The following FCHSD1 variants were observed in gnomAD, a reference collection of about 807,000 sequenced individuals.
FCHSD1 encodes the protein F-BAR and double SH3 domains protein 1.
FCHSD1 carries 109 observed loss-of-function variants against 101.3 expected under a neutral mutation model. That is an observed-to-expected ratio of 1.08 (90% CI 0.92 to 1.26). The LOEUF is 1.26. FCHSD1 is among the 50% of genes most tolerant of loss of function. FCHSD1 has a pLI of 0.00. For missense variants in FCHSD1, 820 were observed against 895.8 expected (o/e 0.92, Z 1.08); for synonymous variants, 291 against 356.8 (o/e 0.82, Z 2.08).
chr5:141,648,871 T>C lies in FCHSD1; in HGVS notation c.576+86A>G, dbSNP rs1053366905. The C allele has an allele frequency of 6.1e-5, 91 of 1,500,612 alleles. No homozygotes were observed. The African/African-American group carries it at 6.9e-4, about 11-fold the overall frequency. 93.0% of individuals were successfully genotyped at this position (1,500,612 alleles called of 1,614,324 possible). A position where few individuals can be genotyped will look rare whatever the true frequency, so the allele number is the denominator to read the frequency against. ...GGAGAGCCTGGATTCAACCCAGTCTTTCATACATATGCACCTATGTTCCAA... is the reference window on the plus strand; with the variant it reads ...GGAGAGCCTGGATTCAACCCAGTCTCTCATACATATGCACCTATGTTCCAA... On this transcript the variant is annotated intron_variant, in intron 7 of 19. Transcript: ENST00000435817.
rs556991972 is a variant in FCHSD1 at position 141,641,077 on chromosome 5, A to C, written c.*421T>G. ...GCTCAGACCATTACAGCTGCTTCGC[A>C]TCCTGGCTCCAGCTCCTGATTCCCA... On this transcript the variant is annotated 3_prime_UTR_variant, in exon 20 of 20. Transcript: ENST00000435817. The C allele has an allele frequency of 1.5e-4, 46 of 302,820 alleles. No individual in the cohort carries two copies. The highest frequency in any genetic ancestry group is 6.0e-4 in the Admixed American group (13 of 21,820). The allele number at this position is 302,820 out of a possible 1,614,324, so 18.8% of individuals were successfully genotyped here. A position where few individuals can be genotyped will look rare whatever the true frequency, so the allele number is the denominator to read the frequency against.
chr5:141,650,537 C>G (rs532927558), intron 2 of FCHSD1, 133 bp from the exon 3 acceptor site: 171 of 982,368 alleles, frequency 1.7e-4, no homozygotes, highest in Non-Finnish European at 2.6e-4. Flanking sequence ...GTAACTACAC[C>G]CAGAGGGAAT....
At chr5:141,644,511 A>G in intron 16 of FCHSD1, 62 bp downstream of exon 16, 2 of 1,607,630 alleles carry the variant, frequency 1.2e-6, no homozygotes, top group Non-Finnish European at 1.7e-6. Context: ...CCCCAGGGCT[A>G]CAACCCCTAA....
Position 141,649,563 on chromosome 5 carries a change from A to T in FCHSD1, c.234-27T>A, listed in dbSNP as rs764260868. On this transcript the variant is annotated intron_variant, in intron 4 of 19. Coordinates refer to ENST00000435817, the MANE Select transcript of FCHSD1 (RefSeq NM_033449.3). This position sits in a 1 kb window ranked among gnomAD's most constrained non-coding sequence, Gnocchi z 4.1. ...TCCCCAGAGAAGGTCTGTGTTGAGG[A>T]GGAGAGCACTCCACAGCTTCATGAG... The T allele has an allele frequency of 4.4e-6, 7 of 1,602,814 alleles. No homozygotes were observed. The highest frequency in any genetic ancestry group is 6.0e-6 in the Non-Finnish European group (7 of 1,175,882).
At chr5:141,644,821 C>T in intron 15 of FCHSD1, 38 bp downstream of exon 15, 1 of 1,609,532 alleles carries the variant, frequency 6.2e-7, no homozygotes, top group Non-Finnish European at 8.5e-7. Flanking sequence ...CTCCTACTGC[C>T]CCCAACCCAA....
chr5:141,649,630 C>CA lies in FCHSD1; in HGVS notation c.234-95dup. The CA allele has an allele frequency of 6.8e-7, 1 of 1,466,172 alleles. No homozygotes were observed. The highest frequency in any genetic ancestry group is 1.3e-5 in the South Asian group (1 of 76,332). The allele number at this position is 1,466,172 out of a possible 1,614,324, so 90.8% of individuals were successfully genotyped here. On this transcript the variant is annotated intron_variant, in intron 4 of 19. Transcript: ENST00000435817. This position sits in a 1 kb window ranked among gnomAD's most constrained non-coding sequence, Gnocchi z 4.1. The stretch of plus-strand genomic sequence containing the variant: ...GCCCCCTGACCAACACCATGGGAGA[C>CA]AGAGTGCTTTCCCATCCTCCCTTGT...
rs1010087806 is a variant in FCHSD1 at position 141,649,058 on chromosome 5, G to C, written c.513-38C>G. On this transcript the variant is annotated intron_variant, in intron 6 of 19. Transcript: ENST00000435817. This position sits in a 1 kb window ranked among gnomAD's most constrained non-coding sequence, Gnocchi z 4.1. ...GAGAAAGGAGTCAGGCCCACCCCAAGTGGGAGAATATGAGATCAGAGTCAG... is the reference window on the plus strand; with the variant it reads ...GAGAAAGGAGTCAGGCCCACCCCAACTGGGAGAATATGAGATCAGAGTCAG... 1 of 1,613,762 alleles carries C rather than the reference G, an allele frequency of 6.2e-7. No homozygotes were observed. The highest frequency in any genetic ancestry group is 8.5e-7 in the Non-Finnish European group (1 of 1,179,846).
At chr5:141,646,515 A>C in intron 11 of FCHSD1, 88 bp downstream of exon 11, 2 of 1,506,460 alleles carry the variant, frequency 1.3e-6, no homozygotes, top group Non-Finnish European at 1.8e-6. Flanking sequence ...TAGCTCCATG[A>C]CACCCTCAAT....
chr5:141,649,219 T>C lies in FCHSD1; in HGVS notation c.465A>G (p.Glu155=). The change falls in exon 6 of 20, where the codon GAA becomes GAG. Residue 155 remains glutamate, a synonymous_variant. Transcript: ENST00000435817. The surrounding 1 kb of genome is among the most constrained non-coding windows in gnomAD (Gnocchi z 4.1). ...SRSRKLYGQR[E]RVWALAQEKA... ...TCTCCTGTGCCAAGGCCCACACACG[T>C]TCCCGCTGCCCATACAGCTTCCGAC... 1 of 1,613,980 alleles carries C rather than the reference T, an allele frequency of 6.2e-7. No individual in the cohort carries two copies. Among genetic ancestry groups the C allele is most frequent in the East Asian group, 2.2e-5 (1 of 44,882 alleles).
At chr5:141,647,259 C>A (rs749794987) in intron 9 of FCHSD1, 29 bp from the exon 10 acceptor site, 1 of 1,585,550 alleles carries the variant, frequency 6.3e-7, no homozygotes, top group Non-Finnish European at 8.6e-7. Context: ...CAAAGTCACT[C>A]ATTCACTGAC....
rs1182761072 is a variant in FCHSD1 at position 141,649,336 on chromosome 5, A to AC, written c.376-29dup. On this transcript the variant is annotated intron_variant, in intron 5 of 19. Coordinates refer to ENST00000435817, the MANE Select transcript of FCHSD1 (RefSeq NM_033449.3). The surrounding 1 kb of genome is among the most constrained non-coding windows in gnomAD (Gnocchi z 4.1). Reference sequence around the variant, plus strand: ...ATTGGGATGCATACACAAAGTCCTTACCTAGACCACCTTTGGTCCCAAGCC... The same window carrying AC: ...ATTGGGATGCATACACAAAGTCCTTACCCTAGACCACCTTTGGTCCCAAGCC... 6.2e-7 allele frequency: 1 copy of AC among 1,613,740 alleles called. No individual in the cohort carries two copies. Among genetic ancestry groups the AC allele is most frequent in the Non-Finnish European group, 8.5e-7 (1 of 1,179,852 alleles).
chr5:141,651,354 G>T lies in FCHSD1; in HGVS notation c.15C>A (p.Pro5=). The T allele has an allele frequency of 2.6e-6, 4 of 1,554,068 alleles. No homozygotes were observed. Among genetic ancestry groups the T allele is most frequent in the South Asian group, 1.2e-5 (1 of 84,250 alleles). Residue 5 remains proline (P), a synonymous_variant, in exon 1 of 20, where the codon CCC becomes CCA. Transcript: ENST00000435817. The part of the protein sequence containing the change: MQPP[P]RKVKPAQEVK... ...CATTCAGGGCCAAGCTCACTTTTCG[G>T]GGCGGCGGCTGCATCTCCGCTCCAG...
At chr5:141,641,679 T>C (rs776916941) in intron 19 of FCHSD1, 23 bp downstream of exon 19, 3 of 1,613,536 alleles carry the variant, frequency 1.9e-6, no homozygotes, top group Middle Eastern at 1.6e-4. Context: ...ACATACAATC[T>C]CCTCCAAGGC....
intron 17 of FCHSD1, among the ~76,000 whole-genome samples, chr5:141,643,717 A>C (rs974830032): frequency 3.3e-5 from 5 of 152,136 alleles, no homozygotes; most frequent in Non-Finnish European, 7.4e-5. Context: ...GCGTGGCAGC[A>C]CGTGCCTGTA....
chr5:141,645,846 G>A lies in FCHSD1; in HGVS notation c.1236C>T (p.Thr412=). 5.6e-6 allele frequency: 9 copies of A among 1,605,134 alleles called. No homozygotes were observed. The highest frequency in any genetic ancestry group is 7.7e-6 in the Non-Finnish European group (9 of 1,175,880). ...CCTGCTCCACCTCATCCTGGGCCTG[G>A]GTCATGGCTGGCTTCAGCCAGCGCT... ...DVERWLKPAM[T]QAQDEVEQER... is the part of the protein sequence containing the mutation. Residue 412 remains threonine, a synonymous_variant, in exon 13 of 20, where the codon ACC becomes ACT. Coordinates refer to ENST00000435817, the MANE Select transcript of FCHSD1 (RefSeq NM_033449.3).
chr5:141,642,154 A>C, intron 18 of FCHSD1: 2 of 512,954 alleles, frequency 3.9e-6, no homozygotes, highest in Non-Finnish European at 6.9e-6. Flanking sequence ...TAGAAAAGGC[A>C]GGCATTCCAC....
At chr5:141,647,685 A>T in intron 8 of FCHSD1, 165 bp from the exon 9 acceptor site, 1 of 1,117,626 alleles carries the variant, frequency 8.9e-7, no homozygotes, top group Non-Finnish European at 1.3e-6. Context: ...GAAGTTTAAA[A>T]CACGTTCACA....
At chr5:141,642,081 G>A in intron 18 of FCHSD1, 1 of 516,986 alleles carries the variant, frequency 1.9e-6, no homozygotes, top group Non-Finnish European at 3.5e-6. Flanking sequence ...TGGGGTGGTG[G>A]AGATGGTGGT....
intron 2 of FCHSD1, 106 bp from the exon 3 acceptor site, chr5:141,650,510 A>C (rs749263807): frequency 4.4e-5 from 59 of 1,340,818 alleles, no homozygotes; most frequent in Non-Finnish European, 5.5e-5. Flanking sequence ...GGTTGGGGGG[A>C]GCCAGGTTCC....
Sources: allele counts gnomAD v4.1 joint callset (sites outside exome capture counted in the v4.1 genomes callset), GRCh38; gene constraint gnomAD v4.1.1; non-coding constraint Gnocchi (gnomAD v3.1); transcripts MANE v1.5; gene names NCBI Gene and HGNC (gene_info 2026-07-23, HGNC 2026-07-21).